Variants in NBAS observed in about 807,000 individuals in gnomAD.
NBAS encodes the protein NBAS subunit of NRZ tethering complex.
Under a neutral mutation model 302.5 loss-of-function variants are expected in NBAS, and 219 were observed. The observed-to-expected ratio is 0.72, with a 90% CI of 0.65 to 0.81. The LOEUF (loss-of-function observed/expected upper bound fraction) is 0.81, where lower values mean the gene tolerates loss of function less well. NBAS is among the 30% of genes least tolerant of loss of function. NBAS has a pLI of 0.00. For missense variants in NBAS, 2,932 were observed against 2,841.6 expected, an observed-to-expected ratio of 1.03 and a Z score of -0.72; for synonymous variants, 1,118 against 1,021.6, an observed-to-expected ratio of 1.09 and a Z score of -1.80.
the NBAS span, among the ~76,000 whole-genome samples, chr2:14,919,660 C>T: frequency 6.6e-6 from 1 of 152,124 alleles, no homozygotes; most frequent in Non-Finnish European, 1.5e-5. Flanking sequence ...AATCTAAATC[C>T]TTTCTAGTCA....
chr2:14,899,993 A>T, the NBAS span, among the ~76,000 whole-genome samples: 1 of 152,176 alleles, frequency 6.6e-6, no homozygotes, highest in Non-Finnish European at 1.5e-5. Flanking sequence ...CTATTGCTAG[A>T]TGCTCCAGGA....
intron 50 of NBAS, among the ~76,000 whole-genome samples, chr2:15,186,208 T>C (rs1328575715): frequency 1.3e-5 from 2 of 151,252 alleles, no homozygotes; most frequent in Non-Finnish European, 2.9e-5. Context: ...TATATGTATA[T>C]AATAAATGTC....
chr2:15,454,151 A>C (rs938664401), intron 21 of NBAS, among the ~76,000 whole-genome samples: 1 of 152,206 alleles, frequency 6.6e-6, no homozygotes, highest in African/African-American at 2.4e-5. Context: ...TTAATACTAT[A>C]AAATATTTTA....
intron 9 of NBAS, among the ~76,000 whole-genome samples, chr2:15,519,872 A>G (rs375593108): frequency 2.6e-5 from 4 of 152,228 alleles, no homozygotes; most frequent in East Asian, 3.8e-4. Flanking sequence ...ATACTTTACT[A>G]TAGGTCAAAT....
chr2:14,815,249 C>A, the NBAS span, among the ~76,000 whole-genome samples: 2 of 152,188 alleles, frequency 1.3e-5, no homozygotes, highest in African/African-American at 4.8e-5. Flanking sequence ...GCATGCACAT[C>A]AACTCCCATG....
chr2:14,798,851 GGCATA>G, the NBAS span, among the ~76,000 whole-genome samples: 37 of 151,784 alleles, frequency 2.4e-4, no homozygotes, highest in African/African-American at 8.9e-4. Flanking sequence ...TAAATTTATT[GGCATA>G]AAGTTATTCA....
the NBAS span, among the ~76,000 whole-genome samples, chr2:14,791,362 G>A: frequency 6.6e-6 from 1 of 152,198 alleles, no homozygotes. Flanking sequence ...AACCTGCTAA[G>A]TGGAACGAAA....
chr2:14,785,814 A>G, the NBAS span, among the ~76,000 whole-genome samples: 6 of 152,178 alleles, frequency 3.9e-5, no homozygotes, highest in Non-Finnish European at 7.3e-5. Flanking sequence ...CAGCTTTGGT[A>G]TCAGGATGAT....
At chr2:15,020,194 T>A in the NBAS span, among the ~76,000 whole-genome samples, 3 of 152,162 alleles carry the variant, frequency 2.0e-5, no homozygotes, top group African/African-American at 7.2e-5. Context: ...GCAAATAGAT[T>A]TAAATATTCC....
intron 9 of NBAS, among the ~76,000 whole-genome samples, chr2:15,532,488 CAAAAAAAAAAAA>C (rs896529713): frequency 2.1e-5 from 1 of 47,812 alleles, no homozygotes; most frequent in Non-Finnish European, 5.5e-5. Context: ...GACTCCATCT[CAAAAAAAAAAAA>C]AAAAAAAAAA....
chr2:15,218,720 G>A (rs146943717), intron 48 of NBAS, 53 bp downstream of exon 48: 155 of 1,611,174 alleles, frequency 9.6e-5, no homozygotes, highest in Admixed American at 9.0e-4. Flanking sequence ...GAGCAACCGC[G>A]TCCGGCCTAA....
the NBAS span, among the ~76,000 whole-genome samples, chr2:14,870,417 A>T: frequency 6.6e-6 from 1 of 152,240 alleles, no homozygotes; most frequent in African/African-American, 2.4e-5. Flanking sequence ...CTGAATGATC[A>T]CCAGGACTTA....
At chr2:15,328,071 A>C in intron 37 of NBAS, 128 bp downstream of exon 37, 3 of 1,195,150 alleles carry the variant, frequency 2.5e-6, no homozygotes, top group Non-Finnish European at 3.6e-6. Context: ...AAAAATGTAA[A>C]AACCAATGAA....
chr2:15,369,563 C>G (rs1359774446), intron 31 of NBAS, among the ~76,000 whole-genome samples: 2 of 152,120 alleles, frequency 1.3e-5, no homozygotes, highest in African/African-American at 2.4e-5. Context: ...TACCAGTTCC[C>G]TTTTTCTGCT....
intron 48 of NBAS, among the ~76,000 whole-genome samples, chr2:15,216,919 G>C (rs924256261): frequency 1.3e-5 from 2 of 152,190 alleles, no homozygotes; most frequent in Admixed American, 1.3e-4. Context: ...AAAAGTGAAG[G>C]TATGAGGAAA....
intron 23 of NBAS, among the ~76,000 whole-genome samples, chr2:15,423,653 G>A (rs1438380762): frequency 6.6e-6 from 1 of 152,148 alleles, no homozygotes; most frequent in East Asian, 1.9e-4. Flanking sequence ...AAAAAGTGAA[G>A]ACTGAACGTG....
rs772075082 is a variant in NBAS at position 15,424,384 on chromosome 2, C to G, written c.2508G>C (p.Gln836His). ...QPELLRFRMT[Q>H]LTVEKVMDWY... Reference sequence around the variant, plus strand: ...AGTCCATAACCTTCTCCACCGTAAGCTGGGTCATCCTGAACCTTAGTAACT... The same window carrying G: ...AGTCCATAACCTTCTCCACCGTAAGGTGGGTCATCCTGAACCTTAGTAACT... The change falls in exon 23 of 52, where the codon CAG becomes CAC. Residue 836 changes from glutamine (Q) to histidine (H), a missense_variant. Gln to His is a conservative substitution (Grantham distance 24, BLOSUM62 0). Coordinates refer to ENST00000281513, the MANE Select transcript of NBAS (RefSeq NM_015909.4). The G allele has an allele frequency of 1.2e-6, 2 of 1,614,010 alleles. No homozygotes were observed. Among genetic ancestry groups the G allele is most frequent in the Non-Finnish European group, 1.7e-6 (2 of 1,179,998 alleles).
intron 10 of NBAS, among the ~76,000 whole-genome samples, chr2:15,507,621 A>C (rs1388329014): frequency 2.0e-5 from 3 of 152,134 alleles, no homozygotes; most frequent in African/African-American, 7.2e-5. Context: ...GAATTCAAAC[A>C]CCAGCCTTCT....
At chr2:15,519,480 A>G (rs762595297) in intron 9 of NBAS, among the ~76,000 whole-genome samples, 1 of 91,408 alleles carries the variant, frequency 1.1e-5, no homozygotes, top group Non-Finnish European at 2.7e-5. Flanking sequence ...TCTGTCACCC[A>G]AGCTGGAGTG....
Sources: gnomAD v4.1 joint callset for allele counts (sites outside exome capture counted in the v4.1 genomes callset) on GRCh38, gnomAD v4.1.1 for gene constraint, MANE v1.5 for transcripts, NCBI Gene and HGNC (gene_info 2026-07-23, HGNC 2026-07-21) for gene names.